PAX5: variants seen among roughly 807,000 people sequenced by gnomAD.
PAX5 encodes the protein paired box protein Pax-5.
Under a neutral mutation model 43.7 loss-of-function variants are expected in PAX5, and 9 were observed. The observed-to-expected ratio is 0.21, with a 90% CI of 0.12 to 0.36. PAX5 has a LOEUF of 0.36. Among genes scored for constraint, PAX5 ranks in the 10% least tolerant of loss-of-function variants. The pLI, the probability that PAX5 is intolerant of heterozygous loss-of-function variation, is 1.00. For synonymous variants in PAX5, 228 were observed against 214.3 expected, an observed-to-expected ratio of 1.06 and a Z score of -0.56; for missense variants, 383 against 532.7, an observed-to-expected ratio of 0.72 and a Z score of 2.77.
At chr9:37,025,898 G>T (rs1840304920) in intron 1 of PAX5, among the ~76,000 whole-genome samples, 1 of 152,180 alleles carries the variant, frequency 6.6e-6, no homozygotes, top group Admixed American at 6.5e-5. Flanking sequence ...TGCAGAGAAG[G>T]ACCCAATGGG....
chr9:37,024,169 C>A (rs1220382903), intron 1 of PAX5, among the ~76,000 whole-genome samples: 1 of 152,094 alleles, frequency 6.6e-6, no homozygotes, highest in Non-Finnish European at 1.5e-5. Context: ...CAGGTAGGAC[C>A]CTGGCTATGA....
At chr9:36,977,079 C>T (rs745934323) in intron 5 of PAX5, among the ~76,000 whole-genome samples, 4 of 152,102 alleles carry the variant, frequency 2.6e-5, no homozygotes, top group African/African-American at 7.2e-5. Context: ...CAATGTAGTG[C>T]GATAAGTGCT....
intron 8 of PAX5, among the ~76,000 whole-genome samples, chr9:36,864,560 G>A (rs1824626678): frequency 6.6e-6 from 1 of 152,198 alleles, no homozygotes; most frequent in South Asian, 2.1e-4. Context: ...GCCGGACCCT[G>A]AGTCAGGGGA....
chr9:36,872,686 C>T (rs947684968), intron 8 of PAX5, among the ~76,000 whole-genome samples: 4 of 152,202 alleles, frequency 2.6e-5, no homozygotes, highest in African/African-American at 4.8e-5. Flanking sequence ...TCTCCTCACT[C>T]CCAGCATCAC....
intron 6 of PAX5, among the ~76,000 whole-genome samples, chr9:36,926,464 A>G (rs1469544127): frequency 6.6e-6 from 1 of 152,220 alleles, no homozygotes; most frequent in Admixed American, 6.5e-5. Context: ...GCTTCATTCC[A>G]TGCAGCAAGA....
At chr9:36,974,304 T>C (rs1169947366) in intron 5 of PAX5, among the ~76,000 whole-genome samples, 3 of 152,186 alleles carry the variant, frequency 2.0e-5, no homozygotes, top group African/African-American at 7.2e-5. Context: ...AAGAATGAAG[T>C]GGGGCTGACA....
rs985406162 is a variant in PAX5, at chr9:36,840,493, G to A, written c.*67C>T. Reference sequence around the variant, plus strand: ...CTCATGGGCTCTCTGGCTATCTTCAGGAGGGCTGGGTGGCTGTCACCCTCA... The same window carrying A: ...CTCATGGGCTCTCTGGCTATCTTCAAGAGGGCTGGGTGGCTGTCACCCTCA... On this transcript the variant is annotated 3_prime_UTR_variant, in exon 10 of 10. Transcript: ENST00000358127. 52 of 1,470,688 alleles carry A rather than the reference G, an allele frequency of 3.5e-5. No homozygotes were observed. The highest frequency in any genetic ancestry group is 4.3e-5 in the Non-Finnish European group (46 of 1,076,358). The allele number at this position is 1,470,688 out of a possible 1,614,324, so 91.1% of individuals were successfully genotyped here.
Position 36,834,705 on chromosome 9 carries a change from T to C in PAX5, c.*5855A>G. ...CCTTTCTGTTCCACTCCAAGGGAAATGCGCCGTTTGTAAATCAAAAATCCA... is the reference window on the plus strand; with the variant it reads ...CCTTTCTGTTCCACTCCAAGGGAAACGCGCCGTTTGTAAATCAAAAATCCA... On this transcript the variant is annotated 3_prime_UTR_variant, in exon 10 of 10. Coordinates refer to ENST00000358127, the MANE Select transcript of PAX5 (RefSeq NM_016734.3). The C allele has an allele frequency of 4.3e-6, 1 of 233,218 alleles. No individual in the cohort carries two copies. The highest frequency in any genetic ancestry group is 6.0e-5 in the East Asian group (1 of 16,590). The allele number at this position is 233,218 out of a possible 1,614,324, so 14.4% of individuals were successfully genotyped here. A position where few individuals can be genotyped will look rare whatever the true frequency, so the allele number is the denominator to read the frequency against.
intron 6 of PAX5, among the ~76,000 whole-genome samples, chr9:36,957,478 C>A (rs758093994): frequency 4.6e-5 from 7 of 152,036 alleles, no homozygotes; most frequent in Non-Finnish European, 1.0e-4. Flanking sequence ...GGTTGGCAAC[C>A]CTACAGAGGA....
chr9:36,889,876 C>T (rs774515284), intron 7 of PAX5, among the ~76,000 whole-genome samples: 9 of 147,858 alleles, frequency 6.1e-5, no homozygotes, highest in Non-Finnish European at 1.0e-4. Flanking sequence ...TTTGCTTAGA[C>T]GCAACTTTTT....
At chr9:36,930,821 G>A (rs868307548) in intron 6 of PAX5, 13 of 1,300,608 alleles carry the variant, frequency 1.0e-5, no homozygotes, top group Middle Eastern at 4.2e-4. Context: ...TTCTAGCAAG[G>A]GACTCAAGGA....
rs956167460 is a variant in PAX5, at chr9:36,839,864, G to A, written c.*696C>T. On this transcript the variant is annotated 3_prime_UTR_variant, in exon 10 of 10. Coordinates refer to ENST00000358127, the MANE Select transcript of PAX5 (RefSeq NM_016734.3). ...CCAGAGAAATGGAGGCAGGAAACCA[G>A]GACATCTCCCCAAAGTGTGCTCCTC... 8.6e-6 allele frequency: 2 copies of A among 233,808 alleles called. No individual in the cohort carries two copies. Among genetic ancestry groups the A allele is most frequent in the Non-Finnish European group, 1.7e-5 (2 of 118,482 alleles). The allele number at this position is 233,808 out of a possible 1,614,324, so 14.5% of individuals were successfully genotyped here.
intron 7 of PAX5, among the ~76,000 whole-genome samples, chr9:36,901,983 C>G (rs899431631): frequency 2.0e-5 from 3 of 152,168 alleles, no homozygotes; most frequent in Non-Finnish European, 2.9e-5. Context: ...AATGAAAGGC[C>G]TTCTATCTGC....
At chr9:36,864,986 C>T (rs1319505896) in intron 8 of PAX5, among the ~76,000 whole-genome samples, 1 of 152,226 alleles carries the variant, frequency 6.6e-6, no homozygotes, top group African/African-American at 2.4e-5. Context: ...CAGAGAGAGG[C>T]ACCGCGGCCT....
rs569790124 is a variant in PAX5, at chr9:36,945,617, T to G, written c.780+20932A>C. Reference sequence around the variant, plus strand: ...GGGCATTGCTATTTATAGATCTGTTTAACACAAGAAACAGATCCTAAAAAT... The same window carrying G: ...GGGCATTGCTATTTATAGATCTGTTGAACACAAGAAACAGATCCTAAAAAT... On this transcript the variant is annotated intron_variant, in intron 6 of 9. Coordinates refer to ENST00000358127, the MANE Select transcript of PAX5 (RefSeq NM_016734.3). 3.3e-5 allele frequency among the ~76,000 whole-genome samples: 5 copies of G among 152,314 alleles called. No homozygotes were observed. In the East Asian group the frequency reaches 7.7e-4, roughly 23 times the overall value.
At chr9:36,921,429 G>T (rs1830161087) in intron 7 of PAX5, among the ~76,000 whole-genome samples, 1 of 152,190 alleles carries the variant, frequency 6.6e-6, no homozygotes, top group African/African-American at 2.4e-5. Context: ...CAGTGACCTT[G>T]CTGGATGAGC....
intron 3 of PAX5, among the ~76,000 whole-genome samples, chr9:37,011,389 G>A (rs944068): frequency 0.58 from 88,429 of 152,026 alleles, 26,006 homozygotes; most frequent in Middle Eastern, 0.78. Context: ...CTGGCCTCAC[G>A]TTCTCACATG....
chr9:36,868,932 C>A (rs148255356), intron 8 of PAX5, among the ~76,000 whole-genome samples: 123 of 152,214 alleles, frequency 8.1e-4, no homozygotes, highest in Non-Finnish European at 1.4e-3. Context: ...AAGCACCATG[C>A]AGGTTGGGGG....
chr9:36,975,504 G>C (rs1291510291), intron 5 of PAX5, among the ~76,000 whole-genome samples: 1 of 151,800 alleles, frequency 6.6e-6, no homozygotes, highest in African/African-American at 2.4e-5. Context: ...TCCTGCCTCA[G>C]CATCCTCAGT....
Sources: allele counts gnomAD v4.1 joint callset (sites outside exome capture counted in the v4.1 genomes callset), GRCh38; gene constraint gnomAD v4.1.1; transcripts MANE v1.5; gene names NCBI Gene and HGNC (gene_info 2026-07-23, HGNC 2026-07-21).